Variants in CACNB2 observed in about 807,000 individuals in gnomAD.
The protein encoded by CACNB2 is voltage-dependent L-type calcium channel subunit beta-2.
A neutral mutation model predicts 73.3 loss-of-function variants in CACNB2; 42 were observed. That is an observed-to-expected ratio of 0.57 (90% CI 0.45 to 0.74). The LOEUF (loss-of-function observed/expected upper bound fraction) is 0.74, where lower values mean the gene tolerates loss of function less well. Ranked by LOEUF, CACNB2 falls within the 30% of genes least tolerant of loss-of-function variation. The probability of loss-of-function intolerance (pLI) is 0.00; values close to 1 mark genes in which losing one functional copy is unlikely to be tolerated. For synonymous variants in CACNB2, 348 were observed against 310.3 expected, an observed-to-expected ratio of 1.12 and a Z score of -1.28; for missense variants, 940 against 853.0, an observed-to-expected ratio of 1.10 and a Z score of -1.27.
At chr10:18,256,933 C>T (rs934587048) in intron 2 of CACNB2, 1 of 152,118 alleles carries the variant, frequency 6.6e-6, no homozygotes, top group Non-Finnish European at 1.5e-5. Flanking sequence ...GTAACAGACA[C>T]AGACCCTGTC....
intron 1 of CACNB2, among the ~76,000 whole-genome samples, chr10:18,150,439 G>A (rs966159334): frequency 3.3e-5 from 5 of 152,162 alleles, no homozygotes; most frequent in Non-Finnish European, 5.9e-5. Flanking sequence ...CAAGGCGGGC[G>A]GATCACCTGA....
In CACNB2 at chr10:18,539,459, A is replaced by C. The variant is rs773534767; in HGVS notation, c.1718A>C (p.Asp573Ala). ...RDSAYVEPKE[D>A]YSHDHVDHYA... ...TCTGCCTACGTAGAGCCAAAGGAAG[A>C]TTATTCCCATGACCACGTGGACCAC... Residue 573 changes from aspartate to alanine, a missense_variant, in exon 14 of 14, where the codon GAT (aspartate) becomes GCT (alanine). Transcript: ENST00000324631. 1 of 1,614,014 alleles carries C rather than the reference A, an allele frequency of 6.2e-7. No homozygotes were observed. Among genetic ancestry groups the C allele is most frequent in the Admixed American group, 1.7e-5 (1 of 59,992 alleles).
intron 2 of CACNB2, among the ~76,000 whole-genome samples, chr10:18,321,878 G>A (rs1206285654): frequency 6.6e-6 from 1 of 152,042 alleles, no homozygotes; most frequent in Non-Finnish European, 1.5e-5. Flanking sequence ...CTAAGCCAGG[G>A]GTGGTGGCTC....
chr10:18,329,328 T>G (rs1415462198), intron 2 of CACNB2, among the ~76,000 whole-genome samples: 1 of 152,146 alleles, frequency 6.6e-6, no homozygotes, highest in Non-Finnish European at 1.5e-5. Context: ...TTAAACAGCA[T>G]TTTAAAGCAT....
At chr10:18,243,858 T>C (rs2036759019) in intron 2 of CACNB2, among the ~76,000 whole-genome samples, 2 of 152,216 alleles carry the variant, frequency 1.3e-5, no homozygotes, top group African/African-American at 4.8e-5. Context: ...ACCTCTTTTC[T>C]TTATAAATAA....
At chr10:18,323,842 C>G (rs2040483444) in intron 2 of CACNB2, among the ~76,000 whole-genome samples, 1 of 152,182 alleles carries the variant, frequency 6.6e-6, no homozygotes. Flanking sequence ...GAGCTTCTTT[C>G]AGGCATGTTT....
chr10:18,419,679 G>A (rs1019036484), intron 3 of CACNB2, among the ~76,000 whole-genome samples: 2 of 152,158 alleles, frequency 1.3e-5, no homozygotes, highest in Non-Finnish European at 2.9e-5. Flanking sequence ...GAAAGTCACA[G>A]AATATATTTA....
chr10:18,141,177 G>C (rs1390002719), intron 1 of CACNB2: 15 of 1,324,754 alleles, frequency 1.1e-5, no homozygotes, highest in Admixed American at 2.3e-5. Flanking sequence ...CACATGGAGA[G>C]ACATGAATCA....
chr10:18,207,480 C>T (rs1002497270), intron 2 of CACNB2, among the ~76,000 whole-genome samples: 5 of 152,148 alleles, frequency 3.3e-5, no homozygotes, highest in Non-Finnish European at 7.4e-5. Context: ...CACCAGAGGT[C>T]TTGGAAGGCA....
chr10:18,366,485 T>G (rs1048905099), intron 2 of CACNB2, among the ~76,000 whole-genome samples: 1 of 147,462 alleles, frequency 6.8e-6, no homozygotes, highest in Non-Finnish European at 1.5e-5. Flanking sequence ...AAAAAAAAAT[T>G]ATCCTGGCCC....
chr10:18,430,635 A>T (rs986297966), intron 3 of CACNB2, among the ~76,000 whole-genome samples: 1 of 152,176 alleles, frequency 6.6e-6, no homozygotes, highest in Non-Finnish European at 1.5e-5. Context: ...GTCTCAATCG[A>T]TCAGTCAATC....
intron 2 of CACNB2, among the ~76,000 whole-genome samples, chr10:18,217,823 C>T (rs2035574880): frequency 1.3e-5 from 2 of 151,952 alleles, no homozygotes; most frequent in African/African-American, 4.8e-5. Context: ...GAAGGGGAAC[C>T]AGGCCAGTTC....
chr10:18,473,731 T>G (rs1209423808), intron 3 of CACNB2, among the ~76,000 whole-genome samples: 1 of 152,214 alleles, frequency 6.6e-6, no homozygotes, highest in Non-Finnish European at 1.5e-5. Flanking sequence ...AGAAGGAGAT[T>G]GACTTTACAG....
intron 3 of CACNB2, among the ~76,000 whole-genome samples, chr10:18,453,999 T>C (rs1340386134): frequency 6.6e-6 from 1 of 152,192 alleles, no homozygotes; most frequent in Non-Finnish European, 1.5e-5. Context: ...TGTGTTTCAC[T>C]TGTTTCTGAT....
At chr10:18,391,489 A>C (rs1771684652) in intron 2 of CACNB2, among the ~76,000 whole-genome samples, 1 of 152,184 alleles carries the variant, frequency 6.6e-6, no homozygotes, top group African/African-American at 2.4e-5. Context: ...TTGAGCATGC[A>C]TTCCATGCCT....
intron 2 of CACNB2, among the ~76,000 whole-genome samples, chr10:18,353,265 C>T (rs965098000): frequency 6.6e-6 from 1 of 152,042 alleles, no homozygotes; most frequent in Non-Finnish European, 1.5e-5. Flanking sequence ...CAAAAATTAG[C>T]CGGGCACAGT....
At chr10:18,423,184 T>A (rs1461334244) in intron 3 of CACNB2, among the ~76,000 whole-genome samples, 1 of 152,162 alleles carries the variant, frequency 6.6e-6, no homozygotes, top group African/African-American at 2.4e-5. Flanking sequence ...CAATTACATG[T>A]GACCTCAGTG....
intron 2 of CACNB2, among the ~76,000 whole-genome samples, chr10:18,179,341 C>T (rs936112199): frequency 5.3e-5 from 8 of 152,130 alleles, no homozygotes; most frequent in Admixed American, 1.3e-4. Context: ...AAAGGTCTTC[C>T]GTGCCTCTGG....
intron 2 of CACNB2, among the ~76,000 whole-genome samples, chr10:18,188,182 T>G (rs1235962481): frequency 1.3e-5 from 2 of 152,138 alleles, no homozygotes; most frequent in Admixed American, 6.6e-5. Context: ...CCATTTTGCT[T>G]GCTTATCTCC....
Sources: gnomAD v4.1 joint callset for allele counts (sites outside exome capture counted in the v4.1 genomes callset) on GRCh38, gnomAD v4.1.1 for gene constraint, MANE v1.5 for transcripts, NCBI Gene and HGNC (gene_info 2026-07-23, HGNC 2026-07-21) for gene names.